The following SNTG1 variants were observed in gnomAD, a reference collection of about 807,000 sequenced individuals.
SNTG1 encodes syntrophin gamma 1.
A neutral mutation model predicts 74.7 loss-of-function variants in SNTG1; 39 were observed. The observed-to-expected ratio is 0.52, with a 90% CI of 0.40 to 0.68. The LOEUF (loss-of-function observed/expected upper bound fraction) is 0.68, where lower values mean the gene tolerates loss of function less well. Ranked by LOEUF, SNTG1 falls within the 30% of genes least tolerant of loss-of-function variation. SNTG1 has a pLI of 0.00. For synonymous variants in SNTG1, 254 were observed against 217.1 expected (o/e 1.17, Z -1.49); for missense variants, 685 against 609.5 (o/e 1.12, Z -1.30).
At chr8:50,221,412 G>A (rs778961976) in intron 2 of SNTG1, among the ~76,000 whole-genome samples, 13 of 151,300 alleles carry the variant, frequency 8.6e-5, no homozygotes, top group Non-Finnish European at 1.6e-4. Context: ...AAAAATATAA[G>A]ATCAACGTGG....
intron 1 of SNTG1, among the ~76,000 whole-genome samples, chr8:50,018,448 G>A (rs571144469): frequency 5.9e-5 from 9 of 152,084 alleles, no homozygotes; most frequent in African/African-American, 2.2e-4. Flanking sequence ...TGCAAAGAAT[G>A]AGTTTTGACC....
At chr8:50,195,668 C>T (rs2083740183) in intron 2 of SNTG1, among the ~76,000 whole-genome samples, 1 of 152,182 alleles carries the variant, frequency 6.6e-6, no homozygotes, top group Non-Finnish European at 1.5e-5. Flanking sequence ...ATTGACTCAG[C>T]TCCAGGTAAA....
At chr8:50,407,823 G>A (rs556088465) in intron 4 of SNTG1, among the ~76,000 whole-genome samples, 1 of 152,330 alleles carries the variant, frequency 6.6e-6, no homozygotes, top group Non-Finnish European at 1.5e-5. Flanking sequence ...TGGGCAGGCA[G>A]CTATGGAGTG....
intron 2 of SNTG1, among the ~76,000 whole-genome samples, chr8:50,301,417 T>C (rs541115338): frequency 3.7e-4 from 56 of 152,188 alleles, no homozygotes; most frequent in Non-Finnish European, 7.2e-4. Context: ...ACTTCTTTTT[T>C]ATATGATGTC....
chr8:49,910,476 T>A (rs1400471859), upstream of SNTG1, among the ~76,000 whole-genome samples: 1 of 152,152 alleles, frequency 6.6e-6, no homozygotes, highest in Non-Finnish European at 1.5e-5. Flanking sequence ...GTTTCAAAGG[T>A]CCACATGGCC....
intron 8 of SNTG1, among the ~76,000 whole-genome samples, chr8:50,501,625 T>A (rs1482617926): frequency 4.0e-5 from 6 of 150,544 alleles, no homozygotes; most frequent in Non-Finnish European, 1.5e-5. Context: ...TTTTTTTTTT[T>A]TTTTGTATTT....
At chr8:50,008,277 C>T (rs1157593348) in intron 1 of SNTG1, among the ~76,000 whole-genome samples, 2 of 152,210 alleles carry the variant, frequency 1.3e-5, no homozygotes, top group Admixed American at 1.3e-4. Context: ...CTCTGTACTG[C>T]ACTTTTCTTG....
At chr8:50,014,060 A>G (rs1002862735) in intron 1 of SNTG1, among the ~76,000 whole-genome samples, 2 of 152,190 alleles carry the variant, frequency 1.3e-5, no homozygotes, top group African/African-American at 2.4e-5. Context: ...GTACTAAACT[A>G]CAGTATGACA....
chr8:50,102,023 G>A (rs1241037228), intron 1 of SNTG1, among the ~76,000 whole-genome samples: 1 of 152,034 alleles, frequency 6.6e-6, no homozygotes, highest in Non-Finnish European at 1.5e-5. Context: ...AAACATACGT[G>A]TGCATGTGTC....
intron 1 of SNTG1, among the ~76,000 whole-genome samples, chr8:50,159,624 A>T (rs2082355061): frequency 6.6e-6 from 1 of 152,218 alleles, no homozygotes; most frequent in Admixed American, 6.5e-5. Flanking sequence ...TCACTATTTG[A>T]CATGTATATC....
intron 2 of SNTG1, among the ~76,000 whole-genome samples, chr8:50,220,321 T>C (rs368564317): frequency 4.6e-5 from 7 of 152,320 alleles, no homozygotes; most frequent in African/African-American, 1.7e-4. Flanking sequence ...TAGATATATC[T>C]GCACTGAAGC....
At chr8:50,614,090 T>G (rs2094870185) in intron 13 of SNTG1, among the ~76,000 whole-genome samples, 1 of 152,160 alleles carries the variant, frequency 6.6e-6, no homozygotes, top group African/African-American at 2.4e-5. Flanking sequence ...TGTGTATTTT[T>G]ATATGTTTGA....
At chr8:50,643,048 C>G (rs2095083946) in intron 13 of SNTG1, among the ~76,000 whole-genome samples, 1 of 142,622 alleles carries the variant, frequency 7.0e-6, no homozygotes, top group African/African-American at 2.8e-5. Flanking sequence ...TTTGATATTC[C>G]TCTTGGCAAA....
chr8:50,101,235 T>C (rs898255748), intron 1 of SNTG1, among the ~76,000 whole-genome samples: 1 of 152,122 alleles, frequency 6.6e-6, no homozygotes, highest in Non-Finnish European at 1.5e-5. Context: ...AGGGCTGCAA[T>C]GAACATACAC....
chr8:50,012,120 AC>A, intron 1 of SNTG1, among the ~76,000 whole-genome samples: 1 of 150,380 alleles, frequency 6.6e-6, no homozygotes, highest in African/African-American at 2.5e-5. Flanking sequence ...ATTTTCACAC[AC>A]ATGTTAATTT....
intron 2 of SNTG1, among the ~76,000 whole-genome samples, chr8:50,178,501 A>G (rs1429252348): frequency 6.6e-6 from 1 of 152,150 alleles, no homozygotes; most frequent in Non-Finnish European, 1.5e-5. Context: ...AAAGGCCATT[A>G]TAGACAATAC....
intron 1 of SNTG1, among the ~76,000 whole-genome samples, chr8:49,978,373 A>G (rs1291614246): frequency 6.6e-6 from 1 of 152,186 alleles, no homozygotes; most frequent in Non-Finnish European, 1.5e-5. Flanking sequence ...GATGAAGAAA[A>G]GAAAGCAATG....
At chr8:50,622,110 C>G (rs2094927147) in intron 13 of SNTG1, among the ~76,000 whole-genome samples, 1 of 152,148 alleles carries the variant, frequency 6.6e-6, no homozygotes. Flanking sequence ...TGCATCTGCC[C>G]CAATCTCTCT....
At chr8:50,086,840 A>C (rs1027422602) in intron 1 of SNTG1, among the ~76,000 whole-genome samples, 1 of 152,184 alleles carries the variant, frequency 6.6e-6, no homozygotes, top group Non-Finnish European at 1.5e-5. Context: ...AAAGTACTGA[A>C]GGGTTAGAAT....
Sources: allele counts gnomAD v4.1 joint callset (sites outside exome capture counted in the v4.1 genomes callset), GRCh38; gene constraint gnomAD v4.1.1; transcripts MANE v1.5; gene names NCBI Gene and HGNC (gene_info 2026-07-23, HGNC 2026-07-21).